Variants in RBMS1 observed in about 807,000 individuals in gnomAD.
RBMS1 encodes RNA-binding motif, single-stranded-interacting protein 1.
A neutral mutation model predicts 62.3 loss-of-function variants in RBMS1; 17 were observed. That is an observed-to-expected ratio of 0.27 (90% CI 0.19 to 0.41). The LOEUF (loss-of-function observed/expected upper bound fraction) is 0.41, where lower values mean the gene tolerates loss of function less well. Ranked by LOEUF, RBMS1 falls within the 10% of genes least tolerant of loss-of-function variation. The probability of loss-of-function intolerance (pLI) is 1.00; values close to 1 mark genes in which losing one functional copy is unlikely to be tolerated. For synonymous variants in RBMS1, 172 were observed against 170.0 expected (o/e 1.01, Z -0.09); for missense variants, 334 against 504.5 (o/e 0.66, Z 3.24).
chr2:160,364,839 C>T (rs926626576), intron 2 of RBMS1, among the ~76,000 whole-genome samples: 10 of 152,168 alleles, frequency 6.6e-5, no homozygotes, highest in African/African-American at 2.4e-4. Context: ...CCCTGCAGAG[C>T]CAAATCATTT....
At chr2:160,409,652 G>GA (rs1695942852) in intron 1 of RBMS1, among the ~76,000 whole-genome samples, 1 of 152,200 alleles carries the variant, frequency 6.6e-6, no homozygotes, top group East Asian at 1.9e-4. Flanking sequence ...TGCATCTATG[G>GA]AAAAAATTCC....
chr2:160,438,190 G>A (rs907035880), intron 1 of RBMS1, among the ~76,000 whole-genome samples: 2 of 151,984 alleles, frequency 1.3e-5, no homozygotes, highest in East Asian at 3.9e-4. Context: ...AGACTCCATA[G>A]GGGAATCAAG....
At chr2:160,371,356 T>C (rs1693712769) in intron 1 of RBMS1, among the ~76,000 whole-genome samples, 1 of 152,190 alleles carries the variant, frequency 6.6e-6, no homozygotes, top group South Asian at 2.1e-4. Context: ...AGACCCTCTA[T>C]GGATGAAGCT....
chr2:160,303,584 T>C, intron 4 of RBMS1, 97 bp from the exon 5 acceptor site: 1 of 1,374,154 alleles, frequency 7.3e-7, no homozygotes, highest in Non-Finnish European at 1.0e-6. Context: ...TTTGCTCAAG[T>C]CCTTTTAAAG....
At chr2:160,367,150 T>TC in intron 2 of RBMS1, 66 bp downstream of exon 2, 1 of 1,495,776 alleles carries the variant, frequency 6.7e-7, no homozygotes, top group Non-Finnish European at 9.3e-7. Flanking sequence ...ATGCAGTATA[T>TC]ATCACTCTAT....
rs994121994 is a variant in RBMS1 at position 160,278,719 on chromosome 2, AT to A, written c.952-62del. On this transcript the variant is annotated intron_variant, in intron 10 of 13. Transcript: ENST00000348849. The stretch of plus-strand genomic sequence containing the variant: ...CTGAGGCAAGAGTTAAGATCCTGTA[AT>A]TACTTTTTACAAAGGAAATACCTTA... 30 of 1,055,608 alleles carry A rather than the reference AT, an allele frequency of 2.8e-5. No homozygotes were observed. The African/African-American group carries it at 4.1e-4, about 15-fold the overall frequency. The allele number at this position is 1,055,608 out of a possible 1,614,324, so 65.4% of individuals were successfully genotyped here.
chr2:160,397,610 A>G (rs1407697393), intron 1 of RBMS1, among the ~76,000 whole-genome samples: 1 of 152,114 alleles, frequency 6.6e-6, no homozygotes, highest in Non-Finnish European at 1.5e-5. Flanking sequence ...TCCTAAAGAC[A>G]CACCCTCTTC....
chr2:160,279,604 A>C (rs1480912484), intron 10 of RBMS1: 2 of 152,248 alleles, frequency 1.3e-5, no homozygotes, highest in Non-Finnish European at 2.9e-5. Flanking sequence ...TGTATAAACC[A>C]AAATTCAATG....
chr2:160,318,654 G>A (rs1574272988), intron 2 of RBMS1, among the ~76,000 whole-genome samples: 1 of 152,228 alleles, frequency 6.6e-6, no homozygotes, highest in Non-Finnish European at 1.5e-5. Flanking sequence ...TAGTAACAGC[G>A]GAAAGCTGCT....
At chr2:160,366,931 A>G (rs1252451240) in intron 2 of RBMS1, 5 of 223,730 alleles carry the variant, frequency 2.2e-5, no homozygotes, top group African/African-American at 1.1e-4. Flanking sequence ...ATCTAGCCAT[A>G]AGTTTTTTTT....
intron 2 of RBMS1, among the ~76,000 whole-genome samples, chr2:160,362,586 G>A (rs1252266126): frequency 6.6e-6 from 1 of 152,042 alleles, no homozygotes; most frequent in Non-Finnish European, 1.5e-5. Flanking sequence ...AATGGTTTGT[G>A]GTGCCCCAAA....
chr2:160,326,654 C>T (rs1050337945), intron 2 of RBMS1, among the ~76,000 whole-genome samples: 2 of 152,046 alleles, frequency 1.3e-5, no homozygotes, highest in African/African-American at 4.8e-5. Flanking sequence ...AATTTTTGTC[C>T]AGGATTAGCA....
chr2:160,358,475 G>T (rs952193544), intron 2 of RBMS1, among the ~76,000 whole-genome samples: 8 of 152,058 alleles, frequency 5.3e-5, no homozygotes, highest in African/African-American at 1.7e-4. Flanking sequence ...AATAACAGAA[G>T]CAAGCCAAGT....
intron 1 of RBMS1, among the ~76,000 whole-genome samples, chr2:160,432,731 G>A (rs1338428548): frequency 2.0e-5 from 3 of 152,240 alleles, no homozygotes; most frequent in East Asian, 3.9e-4. Context: ...GGGAGTAAAG[G>A]TCACGCAGGC....
chr2:160,290,415 C>T (rs1194843539), intron 6 of RBMS1, among the ~76,000 whole-genome samples: 9 of 152,020 alleles, frequency 5.9e-5, no homozygotes, highest in Admixed American at 5.9e-4. Flanking sequence ...TCCAGATTAG[C>T]AACTTTTTAC....
chr2:160,276,896 A>C (rs2105927843), intron 12 of RBMS1, among the ~76,000 whole-genome samples: 1 of 152,226 alleles, frequency 6.6e-6, no homozygotes, highest in East Asian at 1.9e-4. Context: ...TATTTCTGGG[A>C]GTCTTAAGAG....
chr2:160,450,491 G>T (rs1683918974), intron 1 of RBMS1, among the ~76,000 whole-genome samples: 1 of 136,138 alleles, frequency 7.3e-6, no homozygotes, highest in Admixed American at 8.4e-5. Flanking sequence ...AGTGAGCCAA[G>T]ATTGCACCAT....
At chr2:160,478,867 A>C (rs1195594134) in intron 1 of RBMS1, among the ~76,000 whole-genome samples, 2 of 152,222 alleles carry the variant, frequency 1.3e-5, no homozygotes, top group Middle Eastern at 3.2e-3. Context: ...AGAGCTCCTG[A>C]AGCCTAATTG....
At chr2:160,281,837 CTCTTTCATA>C in intron 9 of RBMS1, 1 of 169,324 alleles carries the variant, frequency 5.9e-6, no homozygotes, top group Non-Finnish European at 1.3e-5. Context: ...AATTCAATTT[CTCTTTCATA>C]TCTAGGACAT....
Sources: gnomAD v4.1 joint callset for allele counts (sites outside exome capture counted in the v4.1 genomes callset) on GRCh38, gnomAD v4.1.1 for gene constraint, MANE v1.5 for transcripts, NCBI Gene and HGNC (gene_info 2026-07-23, HGNC 2026-07-21) for gene names.